The following PALS2 variants were observed in gnomAD, a reference collection of about 807,000 sequenced individuals.
PALS2 encodes the protein protein PALS2.
In PALS2, 27 loss-of-function variants were observed where a neutral mutation model predicts 61.6. The observed-to-expected ratio is 0.44, with a 90% CI of 0.32 to 0.60. The LOEUF (loss-of-function observed/expected upper bound fraction) is 0.60, where lower values mean the gene tolerates loss of function less well. PALS2 is among the 20% of genes least tolerant of loss of function. The probability of loss-of-function intolerance (pLI) is 0.05; values close to 1 mark genes in which losing one functional copy is unlikely to be tolerated. For synonymous variants in PALS2, 236 were observed against 218.6 expected (o/e 1.08, Z -0.70); for missense variants, 554 against 639.4 (o/e 0.87, Z 1.44).
At chr7:24,673,267 T>C (rs137944232) in intron 9 of PALS2, among the ~76,000 whole-genome samples, 1 of 152,332 alleles carries the variant, frequency 6.6e-6, no homozygotes, top group East Asian at 1.9e-4. Flanking sequence ...GGTTATGATG[T>C]GCCGTCTTTT....
chr7:24,581,132 T>C (rs894350892), intron 1 of PALS2, among the ~76,000 whole-genome samples: 7 of 152,220 alleles, frequency 4.6e-5, no homozygotes, highest in Non-Finnish European at 8.8e-5. Context: ...AACTTACTTG[T>C]TGCCTTTTCC....
chr7:24,687,707 A>G lies in PALS2; in HGVS notation c.*93A>G. ...TGAGAAAATACATCACAGATAGAAG[A>G]TTATCTGCTAAGTCCAGGCATTTTT... On this transcript the variant is annotated 3_prime_UTR_variant, in exon 12 of 12. Transcript: ENST00000222644. This position sits in a 1 kb window ranked among gnomAD's most constrained non-coding sequence, Gnocchi z 4.5. 1 of 1,260,590 alleles carries G rather than the reference A, an allele frequency of 7.9e-7. No homozygotes were observed. The highest frequency in any genetic ancestry group is 1.1e-6 in the Non-Finnish European group (1 of 924,596). 78.1% of individuals were successfully genotyped at this position (1,260,590 alleles called of 1,614,324 possible). A position where few individuals can be genotyped will look rare whatever the true frequency, so the allele number is the denominator to read the frequency against.
intron 5 of PALS2, among the ~76,000 whole-genome samples, chr7:24,652,492 G>T (rs115971809): frequency 0.012 from 1,898 of 152,206 alleles, 57 homozygotes; most frequent in African/African-American, 0.043. Flanking sequence ...AGGAGAGGAG[G>T]AGTCTTATAA....
In PALS2 at chr7:24,688,083, A is replaced by G. The variant is rs1788297134; in HGVS notation, c.*469A>G. The G allele has an allele frequency of 6.6e-6, 1 of 152,340 alleles. No homozygotes were observed. The highest frequency in any genetic ancestry group is 1.5e-5 in the Non-Finnish European group (1 of 68,146). The allele number at this position is 152,340 out of a possible 1,614,324, so 9.4% of individuals were successfully genotyped here. A position where few individuals can be genotyped will look rare whatever the true frequency, so the allele number is the denominator to read the frequency against. ...AATATAGTTATTGACCTTCCTTCTT[A>G]TAAATTTCTTACAAAAGCAGAATTT... On this transcript the variant is annotated 3_prime_UTR_variant, in exon 12 of 12. Transcript: ENST00000222644.
chr7:24,594,616 G>A (rs1244798662), intron 1 of PALS2, among the ~76,000 whole-genome samples: 1 of 152,014 alleles, frequency 6.6e-6, no homozygotes, highest in African/African-American at 2.4e-5. Context: ...AGAGGGAGAC[G>A]AGGAATGGCC....
intron 11 of PALS2, among the ~76,000 whole-genome samples, chr7:24,683,822 CCAAT>C (rs1247072680): frequency 6.6e-6 from 1 of 152,116 alleles, no homozygotes; most frequent in Non-Finnish European, 1.5e-5. Flanking sequence ...CTGATATTTT[CCAAT>C]CAAATTCAAG....
Position 24,688,901 on chromosome 7 carries a change from C to T in PALS2, c.*1287C>T, listed in dbSNP as rs1788338912. On this transcript the variant is annotated 3_prime_UTR_variant, in exon 12 of 12. Transcript: ENST00000222644. ...CGATCTCAGCCCGCTGCAACCTCTG[C>T]CTCCTGGGTTCATGCGACTCTCGTG... 1 of 152,062 alleles carries T rather than the reference C, an allele frequency of 6.6e-6. No homozygotes were observed. The highest frequency in any genetic ancestry group is 2.1e-4 in the South Asian group (1 of 4,824). 9.4% of individuals were successfully genotyped at this position (152,062 alleles called of 1,614,324 possible). A position where few individuals can be genotyped will look rare whatever the true frequency, so the allele number is the denominator to read the frequency against.
At chr7:24,672,472 C>G (rs753249160) in intron 9 of PALS2, among the ~76,000 whole-genome samples, 1 of 152,008 alleles carries the variant, frequency 6.6e-6, no homozygotes, top group African/African-American at 2.4e-5. Flanking sequence ...CTCAGGTGAT[C>G]TGCCTGCCTT....
intron 2 of PALS2, among the ~76,000 whole-genome samples, chr7:24,630,557 T>C (rs1033325663): frequency 1.3e-5 from 2 of 152,336 alleles, no homozygotes; most frequent in Admixed American, 6.5e-5. Context: ...TTGATTCCAG[T>C]GGCTACACTT....
intron 5 of PALS2, among the ~76,000 whole-genome samples, chr7:24,662,641 C>T (rs373332475): frequency 2.0e-5 from 3 of 151,714 alleles, no homozygotes; most frequent in East Asian, 1.9e-4. Context: ...TGGTGGCACA[C>T]GCCTGTAATT....
intron 2 of PALS2, among the ~76,000 whole-genome samples, chr7:24,626,155 C>A (rs1784733739): frequency 6.6e-6 from 1 of 151,704 alleles, no homozygotes; most frequent in African/African-American, 2.4e-5. Context: ...TTTAGAAAAT[C>A]AGAATAAAAA....
chr7:24,588,650 G>GATTTTATTCTT (rs1176185333), intron 1 of PALS2, among the ~76,000 whole-genome samples: 2 of 152,122 alleles, frequency 1.3e-5, no homozygotes, highest in Non-Finnish European at 2.9e-5. Context: ...CTTTTAGAAT[G>GATTTTATTCTT]ATTTTATTCT....
At position 24,665,595 on chromosome 7, in the gene PALS2, A is replaced by G. The variant is rs1290745995; in HGVS notation, c.791A>G (p.His264Arg). The G allele has an allele frequency of 1.2e-6, 2 of 1,613,602 alleles. No homozygotes were observed. Among genetic ancestry groups the G allele is most frequent in the Non-Finnish European group, 1.7e-6 (2 of 1,179,606 alleles). Reference sequence around the variant, plus strand: ...TCATTAATTTGATTCTAGGCTAGCCATGTAAAAGAGGGAGGAAGCGCTGGT... The same window carrying G: ...TCATTAATTTGATTCTAGGCTAGCCGTGTAAAAGAGGGAGGAAGCGCTGGT... ...REDPNWWQAS[H>R]VKEGGSAGLI... Residue 264 changes from histidine to arginine, a missense_variant, in exon 7 of 12, where the codon CAT becomes CGT. Transcript: ENST00000222644.
intron 2 of PALS2, among the ~76,000 whole-genome samples, chr7:24,633,407 G>T (rs1785093689): frequency 8.9e-6 from 1 of 111,882 alleles, no homozygotes; most frequent in African/African-American, 3.4e-5. Flanking sequence ...TTCTCTGCTT[G>T]CATGTTTCCT....
At chr7:24,646,006 G>GTCCTTT in intron 3 of PALS2, among the ~76,000 whole-genome samples, 1 of 152,018 alleles carries the variant, frequency 6.6e-6, no homozygotes, top group African/African-American at 2.4e-5. Context: ...AGGATACAAA[G>GTCCTTT]GACTTTGTAT....
At chr7:24,582,263 C>T (rs1782873587) in intron 1 of PALS2, among the ~76,000 whole-genome samples, 1 of 152,160 alleles carries the variant, frequency 6.6e-6, no homozygotes, top group Non-Finnish European at 1.5e-5. Flanking sequence ...TCAAATACAG[C>T]ATATGATGCA....
intron 5 of PALS2, among the ~76,000 whole-genome samples, chr7:24,662,768 G>GAAAACAAAAAAAAAAAA (rs1786793525): frequency 9.7e-6 from 1 of 102,614 alleles, no homozygotes; most frequent in African/African-American, 3.0e-5. Context: ...GACTCCATCT[G>GAAAACAAAAAAAAAAAA]AAAAAAAAAA....
rs1788264896 is a variant in PALS2 at position 24,687,462 on chromosome 7, G to A, written c.1471G>A (p.Asp491Asn). 1.2e-6 allele frequency: 2 copies of A among 1,610,366 alleles called. No homozygotes were observed. Among genetic ancestry groups the A allele is most frequent in the Non-Finnish European group, 8.5e-7 (1 of 1,178,904 alleles). Residue 491 changes from aspartate (D) to asparagine (N), a missense_variant, in exon 12 of 12, where the codon GAT becomes AAT. Physicochemically the swap from Asp to Asn is conservative, Grantham distance 23 (BLOSUM62 1). Transcript: ENST00000222644. The surrounding 1 kb of genome is among the most constrained non-coding windows in gnomAD (Gnocchi z 4.5). The part of the protein sequence containing the change: ...LTDSDLKKTV[D>N]ESARIQRAYN... Reference sequence around the variant, plus strand: ...GGACTCTGACTTGAAGAAAACAGTGGATGAAAGTGCACGGATTCAGAGAGC... The same window carrying A: ...GGACTCTGACTTGAAGAAAACAGTGAATGAAAGTGCACGGATTCAGAGAGC...
chr7:24,647,174 A>T, intron 3 of PALS2, among the ~76,000 whole-genome samples: 1 of 143,062 alleles, frequency 7.0e-6, no homozygotes. Flanking sequence ...TTTGAGATGG[A>T]GTCACTGTGT....
Sources: allele counts gnomAD v4.1 joint callset (sites outside exome capture counted in the v4.1 genomes callset), GRCh38; gene constraint gnomAD v4.1.1; non-coding constraint Gnocchi (gnomAD v3.1); transcripts MANE v1.5; gene names NCBI Gene and HGNC (gene_info 2026-07-23, HGNC 2026-07-21).